SNX29: variants seen among roughly 807,000 people sequenced by gnomAD.
The protein encoded by SNX29 is sorting nexin 29.
In SNX29, 78 loss-of-function variants were observed where a neutral mutation model predicts 102.1. The observed-to-expected ratio is 0.76, with a 90% CI of 0.64 to 0.92. The LOEUF is 0.92. Ranked by LOEUF, SNX29 falls within the 40% of genes least tolerant of loss-of-function variation. The pLI is 0.00. For missense variants in SNX29, 1,280 were observed against 1,061.7 expected, an observed-to-expected ratio of 1.21 and a Z score of -2.86; for synonymous variants, 580 against 414.5, an observed-to-expected ratio of 1.40 and a Z score of -4.85.
At chr16:12,117,901 C>T (rs1005236427) in intron 11 of SNX29, among the ~76,000 whole-genome samples, 7 of 152,078 alleles carry the variant, frequency 4.6e-5, no homozygotes, top group East Asian at 1.9e-4. Flanking sequence ...TGAGACCACC[C>T]TGGCTAACAC....
intron 19 of SNX29, among the ~76,000 whole-genome samples, chr16:12,503,662 C>G (rs944971210): frequency 2.6e-5 from 4 of 152,136 alleles, no homozygotes; most frequent in African/African-American, 9.7e-5. Context: ...AGAACGGGGT[C>G]TCCTCTTCCT....
intron 18 of SNX29, among the ~76,000 whole-genome samples, chr16:12,472,947 G>A (rs1438554505): frequency 1.3e-5 from 2 of 152,054 alleles, no homozygotes; most frequent in African/African-American, 2.4e-5. Context: ...AAGGAGATCC[G>A]ACATAAAGTG....
chr16:12,519,162 C>T (rs753954107), intron 19 of SNX29, among the ~76,000 whole-genome samples: 3 of 152,152 alleles, frequency 2.0e-5, no homozygotes, highest in Non-Finnish European at 2.9e-5. Flanking sequence ...ATGCAGAAAT[C>T]TCCCGGTTTT....
intron 18 of SNX29, among the ~76,000 whole-genome samples, chr16:12,416,940 C>A (rs1038718808): frequency 1.3e-5 from 2 of 152,158 alleles, no homozygotes; most frequent in Admixed American, 1.3e-4. Context: ...CATATCAACC[C>A]CATAACTGTG....
chr16:12,133,625 T>C (rs2054554422), intron 13 of SNX29, among the ~76,000 whole-genome samples: 1 of 152,168 alleles, frequency 6.6e-6, no homozygotes. Context: ...ATAAGTAAAC[T>C]CTTTACCTCA....
At chr16:11,999,432 C>A in intron 2 of SNX29, 74 bp downstream of exon 2, 2 of 1,437,324 alleles carry the variant, frequency 1.4e-6, no homozygotes, top group Non-Finnish European at 1.9e-6. Flanking sequence ...CATTTCTTCC[C>A]TATAACATAC....
At chr16:12,549,941 A>C (rs570586093) in intron 20 of SNX29, among the ~76,000 whole-genome samples, 1 of 152,230 alleles carries the variant, frequency 6.6e-6, no homozygotes, top group South Asian at 2.1e-4. Flanking sequence ...CCTGTTTTTT[A>C]TAAGTAAAGT....
chr16:11,980,708 GT>G (rs2055395624), intron 1 of SNX29, among the ~76,000 whole-genome samples: 1 of 152,126 alleles, frequency 6.6e-6, no homozygotes, highest in Non-Finnish European at 1.5e-5. Flanking sequence ...GTGTGAAGTG[GT>G]ATTTCTTCGT....
intron 19 of SNX29, among the ~76,000 whole-genome samples, chr16:12,509,914 A>G (rs762403320): frequency 3.2e-4 from 48 of 152,342 alleles, no homozygotes; most frequent in Middle Eastern, 6.8e-3. Flanking sequence ...AGCTGCTCCA[A>G]TAGCCTCAGC....
In SNX29 at chr16:12,271,779, T is replaced by C. The variant is rs2079099025; in HGVS notation, c.1679-6154T>C. ...CTGGGATTACAGGCATGTGCCACCA[T>C]GCCCGACTAATTTTTGTATTTTTAG... On this transcript the variant is annotated intron_variant, in intron 14 of 20. Transcript: ENST00000566228. Among the ~76,000 whole-genome samples the C allele has an allele frequency of 5.3e-5, 8 of 151,996 alleles. No individual in the cohort carries two copies. The South Asian group carries it at 1.7e-3, about 32-fold the overall frequency.
At chr16:12,426,289 C>G (rs2085076815) in intron 18 of SNX29, among the ~76,000 whole-genome samples, 1 of 152,140 alleles carries the variant, frequency 6.6e-6, no homozygotes, top group Non-Finnish European at 1.5e-5. Context: ...ATGCCAGGAT[C>G]CAGGAAGAAG....
chr16:12,519,307 G>A (rs1277863899), intron 19 of SNX29, among the ~76,000 whole-genome samples: 2 of 151,804 alleles, frequency 1.3e-5, no homozygotes, highest in African/African-American at 4.9e-5. Context: ...GGTGATCGCA[G>A]GGGGAGTCCA....
chr16:12,224,155 A>C (rs967542532), intron 14 of SNX29, among the ~76,000 whole-genome samples: 4 of 152,028 alleles, frequency 2.6e-5, no homozygotes, highest in Admixed American at 6.6e-5. Flanking sequence ...ATACTACTCT[A>C]CTTGAGTAGT....
At chr16:12,224,598 C>T (rs1318901544) in intron 14 of SNX29, among the ~76,000 whole-genome samples, 1 of 152,194 alleles carries the variant, frequency 6.6e-6, no homozygotes, top group African/African-American at 2.4e-5. Flanking sequence ...ATGAGTTCTT[C>T]AGGTCAAAAC....
chr16:12,102,350 C>A (rs2053059159), intron 11 of SNX29, among the ~76,000 whole-genome samples: 2 of 152,332 alleles, frequency 1.3e-5, no homozygotes, highest in Admixed American at 6.5e-5. Context: ...ACACTGTCTT[C>A]CACAATGGTT....
chr16:12,428,758 T>C (rs1386864075), intron 18 of SNX29, among the ~76,000 whole-genome samples: 1 of 152,160 alleles, frequency 6.6e-6, no homozygotes, highest in African/African-American at 2.4e-5. Context: ...GCAATTAATA[T>C]CTCCTCCTAG....
chr16:12,359,703 A>T (rs927741760), intron 16 of SNX29, among the ~76,000 whole-genome samples: 7 of 152,158 alleles, frequency 4.6e-5, no homozygotes, highest in African/African-American at 1.7e-4. Context: ...TACTCTACTC[A>T]TTACTTCTCA....
chr16:12,400,160 C>A (rs2083884927), intron 17 of SNX29, among the ~76,000 whole-genome samples: 1 of 152,146 alleles, frequency 6.6e-6, no homozygotes. Flanking sequence ...AGCAATGGCA[C>A]CATTCCCCTC....
chr16:12,289,722 C>T (rs1003196210), intron 15 of SNX29, among the ~76,000 whole-genome samples: 6 of 152,118 alleles, frequency 3.9e-5, no homozygotes, highest in African/African-American at 1.2e-4. Flanking sequence ...ATTATAGTGG[C>T]TGGTTTTCAG....
Sources: allele counts gnomAD v4.1 joint callset (sites outside exome capture counted in the v4.1 genomes callset), GRCh38; gene constraint gnomAD v4.1.1; transcripts MANE v1.5; gene names NCBI Gene and HGNC (gene_info 2026-07-23, HGNC 2026-07-21).